ZNF527: variants seen among roughly 807,000 people sequenced by gnomAD.
ZNF527 encodes the protein zinc finger protein 527.
A neutral mutation model predicts 13.5 loss-of-function variants in ZNF527; 5 were observed. That is an observed-to-expected ratio of 0.37 (90% confidence interval 0.19 to 0.78). The LOEUF (loss-of-function observed/expected upper bound fraction) is 0.78. Ranked by LOEUF, ZNF527 falls within the 30% of genes least tolerant of loss-of-function variation. The pLI is 0.48. For missense variants in ZNF527, 628 were observed against 726.4 expected, an observed-to-expected ratio of 0.86 and a Z score of 1.56; for synonymous variants, 209 against 243.1, an observed-to-expected ratio of 0.86 and a Z score of 1.30.
intron 4 of ZNF527, among the ~76,000 whole-genome samples, chr19:37,384,559 T>C (rs2040682353): frequency 6.6e-6 from 1 of 151,920 alleles, no homozygotes; most frequent in Non-Finnish European, 1.5e-5. Flanking sequence ...TGGAAGTGCA[T>C]GTTTTAATTT....
intron 2 of ZNF527, 75 bp from the exon 3 acceptor site, chr19:37,379,045 T>C: frequency 6.3e-7 from 1 of 1,578,078 alleles, no homozygotes; most frequent in South Asian, 1.1e-5. Flanking sequence ...CTTTGAACTC[T>C]GGCCAAATTC....
intron 2 of ZNF527, among the ~76,000 whole-genome samples, chr19:37,375,550 T>C (rs530490927): frequency 1.3e-5 from 2 of 151,624 alleles, no homozygotes; most frequent in East Asian, 1.9e-4. Flanking sequence ...TTAGTAGAGA[T>C]GGATTTCACG....
intron 4 of ZNF527, chr19:37,385,063 C>A: frequency 1.7e-6 from 1 of 580,534 alleles, no homozygotes; most frequent in South Asian, 2.2e-5. Context: ...TGGGCTCAAG[C>A]GATCCTCCCA....
chr19:37,374,339 C>T, intron 2 of ZNF527, 108 bp downstream of exon 2: 2 of 979,036 alleles, frequency 2.0e-6, no homozygotes, highest in Non-Finnish European at 1.6e-6. Context: ...TTCCACTTCT[C>T]TCTCCACCTT....
rs374814752 is a variant in ZNF527 at position 37,389,583 on chromosome 19, G to A, written c.1534G>A (p.Val512Ile). ...KCGKAFSDAL[V>I]LIHHKRSHAG... is the part of the protein sequence containing the mutation. ...TGGGAAAGCCTTCAGTGATGCTTTA[G>A]TTCTAATTCACCATAAGAGAAGTCA... The change falls in exon 5 of 5, where the codon GTT becomes ATT. Residue 512 changes from valine to isoleucine, a missense_variant. By Grantham distance (29) the Val-to-Ile change is conservative. This residue lies in a region of ZNF527 where 592 missense variants were observed against 678.0 expected (regional missense o/e 0.87). Transcript: ENST00000436120. 67 of 1,614,018 alleles carry A rather than the reference G, an allele frequency of 4.2e-5. No homozygotes were observed. The highest frequency in any genetic ancestry group is 5.4e-5 in the Non-Finnish European group (64 of 1,180,046).
intron 2 of ZNF527, among the ~76,000 whole-genome samples, chr19:37,375,294 CTTTCTTTCTTTCTTTCT>C (rs1300113424): frequency 3.5e-4 from 37 of 104,266 alleles, no homozygotes; most frequent in East Asian, 2.0e-3. Flanking sequence ...TTCTTTCTTT[CTTTCTTTCTTTCTTTCT>C]TTTCTTTCTT....
At chr19:37,380,802 G>A (rs1366202679) in intron 4 of ZNF527, among the ~76,000 whole-genome samples, 1 of 152,152 alleles carries the variant, frequency 6.6e-6, no homozygotes, top group East Asian at 1.9e-4. Flanking sequence ...TTCCCTTAAA[G>A]AAGGAATTCT....
At chr19:37,377,293 T>A (rs1441022105) in intron 2 of ZNF527, among the ~76,000 whole-genome samples, 1 of 152,174 alleles carries the variant, frequency 6.6e-6, no homozygotes, top group African/African-American at 2.4e-5. Context: ...TAGAGTTTTA[T>A]TCATAGTCAC....
At chr19:37,377,195 T>C (rs1202560247) in intron 2 of ZNF527, among the ~76,000 whole-genome samples, 1 of 152,186 alleles carries the variant, frequency 6.6e-6, no homozygotes, top group Non-Finnish European at 1.5e-5. Flanking sequence ...ATTGGAATGA[T>C]CCAGTAAAGT....
intron 2 of ZNF527, 45 bp downstream of exon 2, chr19:37,374,276 T>A (rs1453963771): frequency 1.3e-5 from 21 of 1,605,680 alleles, no homozygotes; most frequent in Non-Finnish European, 1.8e-5. Context: ...TGACCTCATT[T>A]TTCAGGACTT....
chr19:37,379,363 C>T, intron 3 of ZNF527, 117 bp downstream of exon 3: 1 of 949,520 alleles, frequency 1.1e-6, no homozygotes, highest in Non-Finnish European at 1.5e-6. Flanking sequence ...TGCCTTTCTA[C>T]TTCCTGTTCC....
chr19:37,382,270 CAGAT>C (rs950515978), intron 4 of ZNF527, among the ~76,000 whole-genome samples: 251 of 142,454 alleles, frequency 1.8e-3, no homozygotes, highest in African/African-American at 6.0e-3. Flanking sequence ...AGCTAGGAAA[CAGAT>C]AGATAGATAG....
chr19:37,386,123 T>C (rs1297904060), intron 4 of ZNF527, among the ~76,000 whole-genome samples: 4 of 144,286 alleles, frequency 2.8e-5, no homozygotes, highest in Non-Finnish European at 6.0e-5. Flanking sequence ...AGTAGAACTT[T>C]CTTTTCTCTT....
chr19:37,379,460 C>CTTTTTT (rs34967980), intron 3 of ZNF527: 3 of 161,096 alleles, frequency 1.9e-5, no homozygotes, highest in Non-Finnish European at 2.4e-5. Flanking sequence ...GAAGTAATTT[C>CTTTTTT]TTTTTTTTTT....
At chr19:37,388,091 A>G (rs946937912) in intron 4 of ZNF527, among the ~76,000 whole-genome samples, 1 of 152,022 alleles carries the variant, frequency 6.6e-6, no homozygotes, top group African/African-American at 2.4e-5. Flanking sequence ...CCACCTCCCT[A>G]TCGTCAACAC....
intron 1 of ZNF527, among the ~76,000 whole-genome samples, chr19:37,372,618 A>G (rs2040568601): frequency 6.6e-6 from 1 of 150,640 alleles, no homozygotes; most frequent in Admixed American, 6.6e-5. Context: ...GACTACAGAC[A>G]CATGCCACCA....
intron 2 of ZNF527, among the ~76,000 whole-genome samples, chr19:37,376,466 G>A (rs957189966): frequency 1.3e-5 from 2 of 152,116 alleles, no homozygotes; most frequent in African/African-American, 4.8e-5. Context: ...CTGAGGTCAG[G>A]AGTTCAAGGC....
intron 4 of ZNF527, among the ~76,000 whole-genome samples, chr19:37,382,285 G>A (rs200491745): frequency 1.5e-4 from 23 of 149,162 alleles, no homozygotes; most frequent in African/African-American, 4.0e-4. Flanking sequence ...AGATAGATAG[G>A]TAGATAGATA....
chr19:37,382,987 A>G (rs559104074), intron 4 of ZNF527, among the ~76,000 whole-genome samples: 1 of 152,002 alleles, frequency 6.6e-6, no homozygotes, highest in East Asian at 2.0e-4. Context: ...GATTACAGTT[A>G]TGAGCCACCA....
Sources: gnomAD v4.1 joint callset for allele counts (sites outside exome capture counted in the v4.1 genomes callset) on GRCh38, gnomAD v4.1.1 for gene constraint, gnomAD v4.1.1 regional missense constraint, MANE v1.5 for transcripts, NCBI Gene and HGNC (gene_info 2026-07-23, HGNC 2026-07-21) for gene names.